Variants in CDH19 observed in about 807,000 individuals in gnomAD.
CDH19 encodes cadherin-19.
CDH19 carries 67 observed loss-of-function variants against 64.2 expected under a neutral mutation model. That is an observed-to-expected ratio of 1.04 (90% CI 0.86 to 1.28). CDH19 has a LOEUF of 1.28. CDH19 is among the 50% of genes most tolerant of loss of function. CDH19 has a pLI of 0.00. For missense variants in CDH19, 1,030 were observed against 929.0 expected (o/e 1.11, Z -1.41); for synonymous variants, 346 against 319.3 (o/e 1.08, Z -0.89).
At chr18:66,565,679 T>C (rs1344678308) in intron 3 of CDH19, among the ~76,000 whole-genome samples, 1 of 152,000 alleles carries the variant, frequency 6.6e-6, no homozygotes, top group African/African-American at 2.4e-5. Context: ...TATTAATTGA[T>C]TTATTTACTT....
At position 66,598,063 on chromosome 18, in the gene CDH19, TA is replaced by T. The variant is rs1272133373; in HGVS notation, c.-113+5890del. The stretch of plus-strand genomic sequence containing the variant: ...TAAAAAAAAATATTCCAAATATCAC[TA>T]ATCATTAGAGAAATGCAAATCAAGG... On this transcript the variant is annotated intron_variant, in intron 1 of 11. Coordinates refer to ENST00000262150, the MANE Select transcript of CDH19 (RefSeq NM_021153.4). Among the ~76,000 whole-genome samples the T allele has an allele frequency of 3.3e-5, 5 of 152,120 alleles. No individual in the cohort carries two copies. The South Asian group carries it at 8.3e-4, about 25-fold the overall frequency.
At chr18:66,582,523 C>A (rs1320182735) in intron 1 of CDH19, among the ~76,000 whole-genome samples, 1 of 151,582 alleles carries the variant, frequency 6.6e-6, no homozygotes, top group African/African-American at 2.4e-5. Context: ...ATTTTAATAA[C>A]CCATGTGTCA....
chr18:66,560,899 C>T (rs1432303984), intron 3 of CDH19, among the ~76,000 whole-genome samples: 5 of 151,992 alleles, frequency 3.3e-5, no homozygotes, highest in Admixed American at 3.3e-4. Context: ...TTAAATTCTA[C>T]ATTTTATACT....
At chr18:66,566,379 A>G (rs1987913017) in intron 3 of CDH19, among the ~76,000 whole-genome samples, 1 of 151,088 alleles carries the variant, frequency 6.6e-6, no homozygotes, top group African/African-American at 2.4e-5. Flanking sequence ...CATAGTATAT[A>G]ACAGTGCTGT....
At chr18:66,602,925 CAAT>C (rs1989073022) in intron 1 of CDH19, among the ~76,000 whole-genome samples, 1 of 151,196 alleles carries the variant, frequency 6.6e-6, no homozygotes, top group Non-Finnish European at 1.5e-5. Context: ...CTGATAATTA[CAAT>C]ATTAAGAATT....
At chr18:66,525,840 A>G (rs1473176979) in intron 9 of CDH19, among the ~76,000 whole-genome samples, 2 of 152,042 alleles carry the variant, frequency 1.3e-5, no homozygotes, top group East Asian at 3.9e-4. Context: ...ACTGAGACAG[A>G]CTTCCAGAAT....
At chr18:66,563,704 T>C (rs1987805159) in intron 3 of CDH19, among the ~76,000 whole-genome samples, 1 of 152,030 alleles carries the variant, frequency 6.6e-6, no homozygotes, top group South Asian at 2.1e-4. Context: ...GCTGCATTTA[T>C]ACTTGAGCTG....
At chr18:66,575,648 A>G (rs140833876) in intron 1 of CDH19, among the ~76,000 whole-genome samples, 2 of 151,816 alleles carry the variant, frequency 1.3e-5, no homozygotes, top group African/African-American at 4.8e-5. Flanking sequence ...TGGGATGAAG[A>G]CTCTTTCTGG....
chr18:66,578,966 T>C (rs1212958094), intron 1 of CDH19, among the ~76,000 whole-genome samples: 7 of 151,762 alleles, frequency 4.6e-5, no homozygotes, highest in African/African-American at 1.7e-4. Flanking sequence ...GACTAAGAAC[T>C]GTGGGAAAAT....
At chr18:66,550,380 A>G (rs570240049) in intron 5 of CDH19, among the ~76,000 whole-genome samples, 11 of 152,254 alleles carry the variant, frequency 7.2e-5, no homozygotes, top group Non-Finnish European at 1.5e-4. Flanking sequence ...ATGATTATCT[A>G]TGGTTTGCAG....
intron 3 of CDH19, 44 bp downstream of exon 3, chr18:66,568,372 G>A (rs1196745473): frequency 6.9e-7 from 1 of 1,449,194 alleles, no homozygotes; most frequent in Non-Finnish European, 9.5e-7. Flanking sequence ...TTTTAAACCT[G>A]CTTCATTGTT....
intron 3 of CDH19, among the ~76,000 whole-genome samples, chr18:66,565,143 A>G (rs1203410953): frequency 6.6e-6 from 1 of 151,824 alleles, no homozygotes; most frequent in East Asian, 1.9e-4. Context: ...ATATTTTTGG[A>G]TGGCAGAAAA....
At chr18:66,561,089 G>T (rs1339264175) in intron 3 of CDH19, among the ~76,000 whole-genome samples, 1 of 151,640 alleles carries the variant, frequency 6.6e-6, no homozygotes, top group African/African-American at 2.4e-5. Context: ...GTTATCCCTT[G>T]TCCTCTTTCA....
chr18:66,579,499 C>T (rs577479003), intron 1 of CDH19, among the ~76,000 whole-genome samples: 8 of 151,938 alleles, frequency 5.3e-5, no homozygotes, highest in African/African-American at 1.7e-4. Flanking sequence ...TCACAGATAC[C>T]GACTTTGAGT....
chr18:66,534,044 A>G (rs1986560413), intron 8 of CDH19, among the ~76,000 whole-genome samples: 1 of 151,998 alleles, frequency 6.6e-6, no homozygotes, highest in South Asian at 2.1e-4. Flanking sequence ...AAAAAATGAA[A>G]ATTTGTTATC....
intron 9 of CDH19, among the ~76,000 whole-genome samples, chr18:66,521,072 T>A (rs1349001472): frequency 7.4e-6 from 1 of 135,804 alleles, no homozygotes; most frequent in African/African-American, 2.5e-5. Context: ...TTTTACATAC[T>A]TGCTGAAATT....
chr18:66,516,456 T>C (rs893345690), intron 9 of CDH19, among the ~76,000 whole-genome samples: 2 of 152,056 alleles, frequency 1.3e-5, no homozygotes, highest in African/African-American at 2.4e-5. Context: ...TGTTCATAAA[T>C]TGAGAATGGT....
At chr18:66,566,280 C>CTT (rs34978720) in intron 3 of CDH19, among the ~76,000 whole-genome samples, 14 of 120,774 alleles carry the variant, frequency 1.2e-4, no homozygotes, top group Non-Finnish European at 1.4e-4. Flanking sequence ...ATGACCCTTT[C>CTT]TTTTTTTTTT....
intron 1 of CDH19, among the ~76,000 whole-genome samples, chr18:66,595,750 G>C (rs753762535): frequency 6.6e-6 from 1 of 152,050 alleles, no homozygotes; most frequent in East Asian, 1.9e-4. Context: ...AAGAAGACGG[G>C]GTATCAATTT....
Sources: allele counts gnomAD v4.1 joint callset (sites outside exome capture counted in the v4.1 genomes callset), GRCh38; gene constraint gnomAD v4.1.1; transcripts MANE v1.5; gene names NCBI Gene and HGNC (gene_info 2026-07-23, HGNC 2026-07-21).